The following RASGRF2 variants were observed in gnomAD, a reference collection of about 807,000 sequenced individuals.
RASGRF2 encodes the protein Ras protein specific guanine nucleotide releasing factor 2.
In RASGRF2, 76 loss-of-function variants were observed where a neutral mutation model predicts 151.0. The ratio of observed to expected loss-of-function variants is 0.50; its 90% CI spans 0.42 to 0.61. RASGRF2 has a LOEUF of 0.61. Ranked by LOEUF, RASGRF2 falls within the 20% of genes least tolerant of loss-of-function variation. The pLI, the probability that RASGRF2 is intolerant of heterozygous loss-of-function variation, is 0.00. For synonymous variants in RASGRF2, 504 were observed against 566.5 expected (o/e 0.89, Z 1.57); for missense variants, 1,148 against 1,564.6 (o/e 0.73, Z 4.49).
intron 17 of RASGRF2, among the ~76,000 whole-genome samples, chr5:81,158,455 T>TA (rs1754311111): frequency 1.3e-5 from 2 of 152,266 alleles, no homozygotes; most frequent in East Asian, 3.9e-4. Flanking sequence ...TTTGATACAT[T>TA]AGGCTTCATC....
intron 21 of RASGRF2, 131 bp from the exon 22 acceptor site, chr5:81,208,223 C>T: frequency 1.5e-6 from 1 of 648,068 alleles, no homozygotes; most frequent in Non-Finnish European, 2.6e-6. Flanking sequence ...AGGCTGGCAG[C>T]AGCAGGTGTC....
intron 17 of RASGRF2, among the ~76,000 whole-genome samples, chr5:81,132,181 T>C (rs1039657918): frequency 9.2e-5 from 14 of 152,224 alleles, no homozygotes; most frequent in Admixed American, 9.2e-4. Context: ...TTTTATCTAT[T>C]TTATATACTG....
intron 1 of RASGRF2, among the ~76,000 whole-genome samples, chr5:81,031,059 T>C (rs1475674939): frequency 1.3e-5 from 2 of 152,170 alleles, no homozygotes; most frequent in African/African-American, 4.8e-5. Flanking sequence ...AAGAAGGCCA[T>C]TACATAATGG....
intron 1 of RASGRF2, among the ~76,000 whole-genome samples, chr5:80,967,856 G>A (rs775530477): frequency 6.6e-6 from 1 of 152,142 alleles, no homozygotes; most frequent in Non-Finnish European, 1.5e-5. Context: ...AGGAATAGGA[G>A]GCCACTCATA....
chr5:81,207,298 C>T lies in RASGRF2; in HGVS notation c.3020C>T (p.Ala1007Val). The T allele has an allele frequency of 6.2e-7, 1 of 1,614,132 alleles. No homozygotes were observed. Among genetic ancestry groups the T allele is most frequent in the Non-Finnish European group, 8.5e-7 (1 of 1,180,012 alleles). Residue 1007 changes from alanine (A) to valine (V), a missense_variant, in exon 21 of 27, where the codon GCA (alanine) becomes GTA (valine). Ala to Val is a moderately conservative substitution (Grantham distance 64). Around this residue, in one of 5 missense-constraint regions of RASGRF2, gnomAD observed 646 missense variants for 807.4 expected, o/e 0.80. Coordinates refer to ENST00000265080, the MANE Select transcript of RASGRF2 (RefSeq NM_006909.3). ...GAGTCCTTGTCGGCCATGGAGCTGGCAGAACAGATCACCCTCCTGGACCAT... is the reference window on the plus strand; with the variant it reads ...GAGTCCTTGTCGGCCATGGAGCTGGTAGAACAGATCACCCTCCTGGACCAT... ...CFESLSAMEL[A>V]EQITLLDHVI...
At chr5:81,034,927 C>G (rs951137514) in intron 1 of RASGRF2, among the ~76,000 whole-genome samples, 2 of 151,282 alleles carry the variant, frequency 1.3e-5, no homozygotes, top group Admixed American at 6.6e-5. Context: ...TGCACATGTA[C>G]CCTAAAACTT....
chr5:81,203,829 A>G (rs1463103132), intron 19 of RASGRF2, among the ~76,000 whole-genome samples: 1 of 152,248 alleles, frequency 6.6e-6, no homozygotes, highest in Non-Finnish European at 1.5e-5. Context: ...CACTCGTAGT[A>G]AAGTGAGTAT....
intron 1 of RASGRF2, among the ~76,000 whole-genome samples, chr5:80,982,214 A>G (rs982109871): frequency 2.6e-5 from 4 of 152,030 alleles, no homozygotes; most frequent in African/African-American, 9.7e-5. Context: ...TGAGGGCTCT[A>G]CTCAGGCCTA....
rs542721215 is a variant in RASGRF2 at position 80,960,561 on chromosome 5, C to T, written c.-178C>T. ...CCTCGGCCCCAGCCCGCGCCCCTGC[C>T]ACCGCGCGCCGCGGCCTCCCGAAAG... On this transcript the variant is annotated 5_prime_UTR_variant, in exon 1 of 27. Transcript: ENST00000265080. The surrounding 1 kb of genome is among the most constrained non-coding windows in gnomAD (Gnocchi z 5.5). 17 of 460,640 alleles carry T rather than the reference C, an allele frequency of 3.7e-5. No individual in the cohort carries two copies. The highest frequency in any genetic ancestry group is 2.6e-4 in the East Asian group (6 of 23,290). 28.5% of individuals were successfully genotyped at this position (460,640 alleles called of 1,614,324 possible).
chr5:81,070,742 T>C lies in RASGRF2; in HGVS notation c.633+161T>C, dbSNP rs1751749505. Among the ~76,000 whole-genome samples the C allele has an allele frequency of 2.0e-5, 3 of 152,042 alleles. No individual in the cohort carries two copies. The South Asian group carries it at 6.2e-4, about 32-fold the overall frequency. On this transcript the variant is annotated intron_variant, in intron 4 of 26. Coordinates refer to ENST00000265080, the MANE Select transcript of RASGRF2 (RefSeq NM_006909.3). ...CAGAGTGATCCAGACATGGCTACTC[T>C]AGAGAATTTCTGCTTGAGATTTCTT...
rs115329238 is a variant in RASGRF2 at position 80,979,653 on chromosome 5, T to C, written c.288+18627T>C. Among the ~76,000 whole-genome samples the C allele has an allele frequency of 4.2e-3, 644 of 152,338 alleles. 3 individuals are homozygous for C. The highest frequency in any genetic ancestry group is 6.6e-3 in the Non-Finnish European group (451 of 68,030). On this transcript the variant is annotated intron_variant, in intron 1 of 26. Transcript: ENST00000265080. ...GTGGCAGTTTCCAGATGAGAGATAC[T>C]TGGCATTTATTTGTGTTTCAAAGAT...
intron 2 of RASGRF2, among the ~76,000 whole-genome samples, chr5:81,060,396 G>A (rs1294564613): frequency 1.3e-5 from 2 of 152,036 alleles, no homozygotes; most frequent in African/African-American, 2.4e-5. Context: ...CGTTTCTCCA[G>A]TACCATTTCT....
intron 4 of RASGRF2, among the ~76,000 whole-genome samples, chr5:81,070,958 G>A (rs1431441390): frequency 6.6e-6 from 1 of 151,800 alleles, no homozygotes; most frequent in African/African-American, 2.4e-5. Context: ...GATTTTTTGG[G>A]GGGCATGTGT....
At chr5:81,219,565 G>A in intron 25 of RASGRF2, 145 bp from the exon 26 acceptor site, 1 of 577,586 alleles carries the variant, frequency 1.7e-6, no homozygotes, top group Non-Finnish European at 3.1e-6. Flanking sequence ...CAACCATAGG[G>A]AATGGTCAGG....
chr5:81,136,794 T>A (rs761748892), intron 17 of RASGRF2, among the ~76,000 whole-genome samples: 11 of 152,056 alleles, frequency 7.2e-5, no homozygotes, highest in Non-Finnish European at 1.3e-4. Context: ...TCTGTTTGGG[T>A]TTTTTCCCCC....
At chr5:81,166,287 A>G (rs1754505109) in intron 17 of RASGRF2, among the ~76,000 whole-genome samples, 1 of 152,060 alleles carries the variant, frequency 6.6e-6, no homozygotes, top group Admixed American at 6.6e-5. Flanking sequence ...CCCAGGTTCA[A>G]GCAATTCTCC....
At chr5:81,126,529 C>T (rs2112570839) in intron 16 of RASGRF2, among the ~76,000 whole-genome samples, 1 of 152,032 alleles carries the variant, frequency 6.6e-6, no homozygotes, top group Non-Finnish European at 1.5e-5. Flanking sequence ...AAATATCAGC[C>T]ATTCTATACT....
intron 2 of RASGRF2, among the ~76,000 whole-genome samples, chr5:81,061,760 C>T (rs576756135): frequency 2.0e-4 from 31 of 152,132 alleles, no homozygotes; most frequent in African/African-American, 7.2e-4. Context: ...TGAATACCAT[C>T]ATTGCAGCCT....
chr5:81,100,451 C>G (rs1312322782), intron 12 of RASGRF2, among the ~76,000 whole-genome samples: 2 of 152,196 alleles, frequency 1.3e-5, no homozygotes, highest in African/African-American at 4.8e-5. Flanking sequence ...ATTAATCACA[C>G]TCTTAGTTAC....
Sources: allele counts gnomAD v4.1 joint callset (sites outside exome capture counted in the v4.1 genomes callset), GRCh38; gene constraint gnomAD v4.1.1; regional missense constraint gnomAD v4.1.1; non-coding constraint Gnocchi (gnomAD v3.1); transcripts MANE v1.5; gene names NCBI Gene and HGNC (gene_info 2026-07-23, HGNC 2026-07-21).